Variants in SCIN observed in about 807,000 individuals in gnomAD.
The protein encoded by SCIN is adseverin.
In SCIN, 91 loss-of-function variants were observed where a neutral mutation model predicts 91.8. The observed-to-expected ratio is 0.99, with a 90% CI of 0.84 to 1.18. SCIN has a LOEUF of 1.18. Among genes scored for constraint, SCIN ranks in the 50% most tolerant of loss-of-function variants. The pLI, the probability that SCIN is intolerant of heterozygous loss-of-function variation, is 0.00. For synonymous variants in SCIN, 367 were observed against 312.6 expected (o/e 1.17, Z -1.84); for missense variants, 1,087 against 863.9 (o/e 1.26, Z -3.24).
intron 9 of SCIN, among the ~76,000 whole-genome samples, chr7:12,635,294 C>T (rs552517083): frequency 3.8e-4 from 57 of 151,560 alleles, no homozygotes; most frequent in Non-Finnish European, 6.6e-4. Context: ...ACGTTTGGTT[C>T]ATGCTCACCA....
chr7:12,577,572 C>G (rs73291387), intron 1 of SCIN: 1 of 456,128 alleles, frequency 2.2e-6, no homozygotes. Context: ...AAAAACAGGC[C>G]GGGCATGGTG....
chr7:12,574,003 C>A (rs935787349), intron 1 of SCIN, among the ~76,000 whole-genome samples: 2 of 152,078 alleles, frequency 1.3e-5, no homozygotes, highest in African/African-American at 2.4e-5. Flanking sequence ...CTTACAAAAC[C>A]AAATATACTA....
At chr7:12,626,253 C>T (rs1285625933) in intron 7 of SCIN, 3 of 330,270 alleles carry the variant, frequency 9.1e-6, no homozygotes, top group African/African-American at 2.2e-5. Context: ...AATCTCTCAG[C>T]CTCATCTACT....
At chr7:12,623,282 C>T (rs1207707165) in intron 5 of SCIN, among the ~76,000 whole-genome samples, 1 of 152,018 alleles carries the variant, frequency 6.6e-6, no homozygotes, top group African/African-American at 2.4e-5. Flanking sequence ...AAAACATTGT[C>T]TTTAGCCATA....
chr7:12,641,981 T>C (rs1172278453), intron 11 of SCIN, among the ~76,000 whole-genome samples: 2 of 152,034 alleles, frequency 1.3e-5, no homozygotes, highest in East Asian at 3.9e-4. Flanking sequence ...GAAATAAATA[T>C]CAAATTTTTA....
intron 4 of SCIN, among the ~76,000 whole-genome samples, chr7:12,607,645 T>G (rs1174146765): frequency 6.6e-6 from 1 of 152,244 alleles, no homozygotes; most frequent in Non-Finnish European, 1.5e-5. Context: ...ATACATTCAG[T>G]GTCTATACTA....
Position 12,640,356 on chromosome 7 carries a change from TC to T in SCIN, c.1423del (p.Gln475LysfsTer9). ...CCCTCTCCCCCATCAGATCCGAGTC[TC>T]CCAAGGCAAAGAGCCTGTTCACCTA... ...LGGQAVQIRV[S>X]QGKEPVHLLS... On this transcript the variant is annotated frameshift_variant, in exon 11 of 16. Coordinates refer to ENST00000297029, the MANE Select transcript of SCIN (RefSeq NM_001112706.3). LOFTEE classifies it high-confidence loss of function. 1 of 1,595,568 alleles carries T rather than the reference TC, an allele frequency of 6.3e-7. No individual in the cohort carries two copies. Among genetic ancestry groups the T allele is most frequent in the Non-Finnish European group, 8.5e-7 (1 of 1,172,060 alleles).
chr7:12,605,296 G>T lies in SCIN; in HGVS notation c.666+633G>T, dbSNP rs113762220. Among the ~76,000 whole-genome samples, 715 of 152,154 alleles carry T rather than the reference G, an allele frequency of 4.7e-3. 7 individuals carry two copies. Among genetic ancestry groups the T allele is most frequent in the African/African-American group, 0.016 (657 of 41,534 alleles). On this transcript the variant is annotated intron_variant, in intron 4 of 15. Coordinates refer to ENST00000297029, the MANE Select transcript of SCIN (RefSeq NM_001112706.3). ...GATCCCCTGACCTTGTGATCCGCCC[G>T]CCTTGGCCTCCCAAAGTGCTGGGAT...
intron 10 of SCIN, among the ~76,000 whole-genome samples, chr7:12,636,564 G>C (rs1163830359): frequency 2.6e-5 from 4 of 152,122 alleles, no homozygotes; most frequent in African/African-American, 9.7e-5. Context: ...ATTAAGGTCG[G>C]AGATGGAGTT....
rs749226110 is a variant in SCIN at position 12,570,821 on chromosome 7, G to A, written c.35G>A (p.Arg12Gln). The A allele has an allele frequency of 7.5e-5, 117 of 1,551,404 alleles. No homozygotes were observed. The highest frequency in any genetic ancestry group is 9.2e-5 in the Non-Finnish European group (106 of 1,146,972). ...ARELYHEEFA[R>Q]AGKQAGLQVW... is the part of the protein sequence containing the mutation. Reference sequence around the variant, plus strand: ...GAGCTATACCACGAAGAGTTCGCCCGGGCGGGCAAGCAGGCGGGGCTGCAG... The same window carrying A: ...GAGCTATACCACGAAGAGTTCGCCCAGGCGGGCAAGCAGGCGGGGCTGCAG... The change falls in exon 1 of 16, where the codon CGG becomes CAG. Residue 12 changes from arginine (R) to glutamine (Q), a missense_variant. Transcript: ENST00000297029.
chr7:12,641,368 C>G (rs1293315975), intron 11 of SCIN, among the ~76,000 whole-genome samples: 1 of 152,166 alleles, frequency 6.6e-6, no homozygotes, highest in African/African-American at 2.4e-5. Context: ...TTTCCCAAGA[C>G]CCACTCACCA....
At chr7:12,577,652 G>A (rs193287587) in intron 1 of SCIN, 1 of 452,326 alleles carries the variant, frequency 2.2e-6, no homozygotes, top group South Asian at 1.6e-5. Flanking sequence ...AGGAGTTTGA[G>A]ACCAGCCTGG....
Position 12,649,518 on chromosome 7 carries a change from G to A in SCIN, c.1933G>A (p.Val645Ile), listed in dbSNP as rs1562637597. ...CCAGGATGATTTAGCTGAAGATGAT[G>A]TCATGTTACTAGATGCTTGGGAACA... Reference protein sequence around the residue: ...FTQDDLAEDDVMLLDAWEQIF... With the variant: ...FTQDDLAEDDIMLLDAWEQIF... Residue 645 changes from valine to isoleucine, a missense_variant, in exon 14 of 16, where the codon GTC becomes ATC. Physicochemically the swap from Val to Ile is conservative, Grantham distance 29 (BLOSUM62 3). Transcript: ENST00000297029. 1 of 1,602,492 alleles carries A rather than the reference G, an allele frequency of 6.2e-7. No homozygotes were observed. Among genetic ancestry groups the A allele is most frequent in the East Asian group, 2.2e-5 (1 of 44,606 alleles).
At position 12,634,547 on chromosome 7, in the gene SCIN, T is replaced by TGGTGCAAA. The variant is rs1162786346; in HGVS notation, c.1320-1498_1320-1497insGGTGCAAA. 5.3e-5 allele frequency among the ~76,000 whole-genome samples: 8 copies of TGGTGCAAA among 152,186 alleles called. No individual in the cohort carries two copies. In the East Asian group the frequency reaches 1.5e-3, roughly 29 times the overall value. On this transcript the variant is annotated intron_variant, in intron 9 of 15. Coordinates refer to ENST00000297029, the MANE Select transcript of SCIN (RefSeq NM_001112706.3). ...TACTTTTAATAGCAAAAACAGCAAT[T>TGGTGCAAA]ACTTTTGCACCAATCTAATAGTTAA...
intron 2 of SCIN, among the ~76,000 whole-genome samples, chr7:12,579,704 T>C (rs968669247): frequency 3.3e-5 from 5 of 152,090 alleles, no homozygotes; most frequent in Admixed American, 6.5e-5. Context: ...TCACCTGAGG[T>C]CAGAAGTTTG....
At chr7:12,594,751 C>CT (rs899487147) in intron 3 of SCIN, among the ~76,000 whole-genome samples, 2 of 152,124 alleles carry the variant, frequency 1.3e-5, no homozygotes, top group African/African-American at 4.8e-5. Context: ...CGGCGCCTGT[C>CT]TTGCAGGCCT....
chr7:12,653,120 A>AT lies in SCIN; in HGVS notation c.*407dup, dbSNP rs1784116294. 1.3e-5 allele frequency: 2 copies of AT among 152,104 alleles called. No individual in the cohort carries two copies. The highest frequency in any genetic ancestry group is 2.9e-5 in the Non-Finnish European group (2 of 68,454). 9.4% of individuals were successfully genotyped at this position (152,104 alleles called of 1,614,324 possible). A position where few individuals can be genotyped will look rare whatever the true frequency, so the allele number is the denominator to read the frequency against. On this transcript the variant is annotated 3_prime_UTR_variant, in exon 16 of 16. Coordinates refer to ENST00000297029, the MANE Select transcript of SCIN (RefSeq NM_001112706.3). This position sits in a 1 kb window ranked among gnomAD's most constrained non-coding sequence, Gnocchi z 4.1. ...TGTCTCAAAAAAAAAAAAAAAAAAA[A>AT]TTAACCTCAACCAAACGCCTATTTT...
In SCIN at chr7:12,644,642, A is replaced by C; in HGVS notation, c.1818A>C (p.Glu606Asp). The C allele has an allele frequency of 1.2e-6, 2 of 1,604,232 alleles. No homozygotes were observed. Among genetic ancestry groups the C allele is most frequent in the South Asian group, 2.2e-5 (2 of 88,994 alleles). ...KKDYQTSPLL[E>D]TQAEDHPPRL... ...ACTACCAGACCTCACCACTACTGGA[A>C]ACCCAGGCTGAAGACCATCCACCTC... Residue 606 changes from glutamate to aspartate, a missense_variant, in exon 13 of 16, where the codon GAA becomes GAC. Transcript: ENST00000297029.
intron 10 of SCIN, among the ~76,000 whole-genome samples, chr7:12,639,356 T>C (rs533614449): frequency 2.6e-5 from 4 of 152,258 alleles, no homozygotes; most frequent in Non-Finnish European, 4.4e-5. Context: ...AATATATTTA[T>C]GAAGTCAATT....
Sources: allele counts gnomAD v4.1 joint callset (sites outside exome capture counted in the v4.1 genomes callset), GRCh38; gene constraint gnomAD v4.1.1; non-coding constraint Gnocchi (gnomAD v3.1); transcripts MANE v1.5; gene names NCBI Gene and HGNC (gene_info 2026-07-23, HGNC 2026-07-21).